STAT6: variants seen among roughly 807,000 people sequenced by gnomAD.
STAT6 encodes STAT, interleukin4-induced.
Under a neutral mutation model 106.3 loss-of-function variants are expected in STAT6, and 45 were observed. The ratio of observed to expected loss-of-function variants is 0.42; its 90% CI spans 0.33 to 0.54. The LOEUF (loss-of-function observed/expected upper bound fraction) is 0.54, where lower values mean the gene tolerates loss of function less well. Ranked by LOEUF, STAT6 falls within the 20% of genes least tolerant of loss-of-function variation. STAT6 has a pLI of 0.06. For synonymous variants in STAT6, 413 were observed against 413.6 expected (o/e 1.00, Z 0.02); for missense variants, 797 against 1,062.2 (o/e 0.75, Z 3.47).
At chr12:57,107,968 G>C (rs2034377791) in intron 2 of STAT6, among the ~76,000 whole-genome samples, 195 bp downstream of exon 2, 1 of 152,204 alleles carries the variant, frequency 6.6e-6, no homozygotes, top group Admixed American at 6.5e-5. Flanking sequence ...AGCCTCCTAA[G>C]AGATGGGGTC....
Position 57,104,361 on chromosome 12 carries a change from G to T in STAT6, c.1212+103C>A, listed in dbSNP as rs1272313159. ...AGTGTGCATGAATCCCAGACACATG[G>T]GGTATGGGGCAGTCACAAGAGGTGA... On this transcript the variant is annotated intron_variant, in intron 11 of 21. Transcript: ENST00000300134. 7 of 1,477,850 alleles carry T rather than the reference G, an allele frequency of 4.7e-6. No individual in the cohort carries two copies. In the East Asian group the frequency reaches 1.7e-4, roughly 37 times the overall value. The allele number at this position is 1,477,850 out of a possible 1,614,324, so 91.5% of individuals were successfully genotyped here. A position where few individuals can be genotyped will look rare whatever the true frequency, so the allele number is the denominator to read the frequency against.
chr12:57,104,000 G>A (rs569858340), intron 11 of STAT6: 5 of 162,260 alleles, frequency 3.1e-5, no homozygotes, highest in African/African-American at 1.2e-4. Flanking sequence ...GCTCAATCAG[G>A]GCCTCACCGT....
intron 7 of STAT6, 39 bp from the exon 8 acceptor site, chr12:57,105,638 G>C (rs771544788): frequency 5.0e-6 from 8 of 1,606,428 alleles, no homozygotes; most frequent in Middle Eastern, 1.7e-4. Context: ...CAGGATTAAG[G>C]CTGCTTGCTC....
At chr12:57,100,692 GAAAGAA>G (rs767026627) in intron 13 of STAT6, among the ~76,000 whole-genome samples, 761 of 50,056 alleles carry the variant, frequency 0.015, 8 homozygotes, top group Middle Eastern at 0.03. Context: ...AAGAAAGAAA[GAAAGAA>G]AGAGAAAGAA....
At chr12:57,110,109 C>T (rs2034494552) in intron 1 of STAT6, 1 of 152,282 alleles carries the variant, frequency 6.6e-6, no homozygotes, top group Non-Finnish European at 1.5e-5. Flanking sequence ...ATAGGCCTTT[C>T]TCTAGCCCAA....
In STAT6 at chr12:57,099,357, C is replaced by A. The variant is rs2033667245; in HGVS notation, c.1828G>T (p.Ala610Ser). The change falls in exon 16 of 22, where the codon GCT becomes TCT. Residue 610 changes from alanine to serine, a missense_variant. Transcript: ENST00000300134. This position sits in a 1 kb window ranked among gnomAD's most constrained non-coding sequence, Gnocchi z 4.7. ...TTGGGATAGAGATTTTTGAGCTGAG[C>A]AAGATCCCGGATTCGGTCCCCCAGT... is the stretch of plus-strand genomic sequence containing the variant. ...RSLGDRIRDL[A>S]QLKNLYPKKP... is the part of the protein sequence containing the mutation. 1 of 1,614,154 alleles carries A rather than the reference C, an allele frequency of 6.2e-7. No homozygotes were observed. Among genetic ancestry groups the A allele is most frequent in the Non-Finnish European group, 8.5e-7 (1 of 1,180,032 alleles).
chr12:57,106,851 G>T lies in STAT6; in HGVS notation c.340-20C>A. 1 of 1,612,658 alleles carries T rather than the reference G, an allele frequency of 6.2e-7. No homozygotes were observed. Among genetic ancestry groups the T allele is most frequent in the Non-Finnish European group, 8.5e-7 (1 of 1,179,970 alleles). ...GCGGAACTACACAGGAAGGACAGAT[G>T]CCAAGAAGTGAAACACTCTGCTCAT... On this transcript the variant is annotated intron_variant, in intron 4 of 21. Transcript: ENST00000300134.
In STAT6 at chr12:57,098,521, A is replaced by G; in HGVS notation, c.2143T>C (p.Leu715=). The G allele has an allele frequency of 6.2e-7, 1 of 1,614,144 alleles. No homozygotes were observed. The highest frequency in any genetic ancestry group is 8.5e-7 in the Non-Finnish European group (1 of 1,180,032). Residue 715 remains leucine (L), a synonymous_variant, in exon 19 of 22, where the codon TTG becomes CTG. Transcript: ENST00000300134. ...GLSPEESVNV[L]SAFQEPHLQM... is the part of the protein sequence containing the mutation. ...TTCACTTACTCCTGGAAGGCTGACA[A>G]CACGTTGACTGATTCTTCTGGGGAG...
At chr12:57,101,085 CT>C (rs2033899035) in intron 13 of STAT6, among the ~76,000 whole-genome samples, 1 of 151,584 alleles carries the variant, frequency 6.6e-6, no homozygotes. Context: ...CTTTTTCTTT[CT>C]TTCTTTCTTT....
intron 10 of STAT6, 31 bp downstream of exon 10, chr12:57,104,695 G>GC (rs2034162879): frequency 1.9e-6 from 3 of 1,613,804 alleles, no homozygotes; most frequent in African/African-American, 2.7e-5. Flanking sequence ...TCCTAGTGGT[G>GC]CCCCCCTCAC....
Position 57,099,927 on chromosome 12 carries a change from G to A in STAT6, c.1608-24C>T. On this transcript the variant is annotated intron_variant, in intron 14 of 21. Transcript: ENST00000300134. The surrounding 1 kb of genome is among the most constrained non-coding windows in gnomAD (Gnocchi z 4.7). ...GCCTGGCCGGGATGAAGGAGAGGATGGGGCATGGGCAGTGAGTATGGAGGT... is the reference window on the plus strand; with the variant it reads ...GCCTGGCCGGGATGAAGGAGAGGATAGGGCATGGGCAGTGAGTATGGAGGT... 1 of 1,614,230 alleles carries A rather than the reference G, an allele frequency of 6.2e-7. No homozygotes were observed. The highest frequency in any genetic ancestry group is 2.2e-5 in the East Asian group (1 of 44,884).
rs1332955374 is a variant in STAT6 at position 57,096,423 on chromosome 12, T to A, written c.*149A>T. 2.8e-6 allele frequency: 2 copies of A among 713,030 alleles called. No individual in the cohort carries two copies. Among genetic ancestry groups the A allele is most frequent in the Non-Finnish European group, 4.7e-6 (2 of 422,312 alleles). The allele number at this position is 713,030 out of a possible 1,614,324, so 44.2% of individuals were successfully genotyped here. Reference sequence around the variant, plus strand: ...TGGCTCCACCCACTGTGCATTCTCCTGTTAGTCTTTTCCTCCTGACCCAGG... The same window carrying A: ...TGGCTCCACCCACTGTGCATTCTCCAGTTAGTCTTTTCCTCCTGACCCAGG... On this transcript the variant is annotated 3_prime_UTR_variant, in exon 22 of 22. Coordinates refer to ENST00000300134, the MANE Select transcript of STAT6 (RefSeq NM_003153.5).
In STAT6 at chr12:57,096,272, T is replaced by G; in HGVS notation, c.*300A>C. 1 of 356,740 alleles carries G rather than the reference T, an allele frequency of 2.8e-6. No individual in the cohort carries two copies. The highest frequency in any genetic ancestry group is 5.9e-5 in the East Asian group (1 of 17,020). 22.1% of individuals were successfully genotyped at this position (356,740 alleles called of 1,614,324 possible). A position where few individuals can be genotyped will look rare whatever the true frequency, so the allele number is the denominator to read the frequency against. ...CATCACCCTCAGAGAGCTCTGTATG[T>G]GTGTGTGCGTGCGTGTGCGCGCTGC... On this transcript the variant is annotated 3_prime_UTR_variant, in exon 22 of 22. Coordinates refer to ENST00000300134, the MANE Select transcript of STAT6 (RefSeq NM_003153.5).
At chr12:57,110,922 A>C (rs1011525102) in intron 1 of STAT6, among the ~76,000 whole-genome samples, 3 of 151,810 alleles carry the variant, frequency 2.0e-5, no homozygotes, top group African/African-American at 7.3e-5. Context: ...CCCATGGGGG[A>C]GGGGAGTACT....
intron 13 of STAT6, among the ~76,000 whole-genome samples, chr12:57,102,028 G>A (rs947113596): frequency 6.6e-6 from 1 of 152,178 alleles, no homozygotes; most frequent in South Asian, 2.1e-4. Context: ...CACAACCTGG[G>A]TGAGTCATGC....
In STAT6 at chr12:57,096,842, C is replaced by T; in HGVS notation, c.2354+8G>A. ...CCACCCAGCCTCCACTCCCAAGCTG[C>T]CACTCACCAAGTGCCCTGAGGAAAC... On this transcript the variant is annotated splice_region_variant and intron_variant, in intron 21 of 21. Coordinates refer to ENST00000300134, the MANE Select transcript of STAT6 (RefSeq NM_003153.5). 6.2e-7 allele frequency: 1 copy of T among 1,614,080 alleles called. No individual in the cohort carries two copies.
In STAT6 at chr12:57,098,920, G is replaced by GTACA; in HGVS notation, c.1956-22_1956-19dup. 6.2e-7 allele frequency: 1 copy of GTACA among 1,613,236 alleles called. No homozygotes were observed. The highest frequency in any genetic ancestry group is 8.5e-7 in the Non-Finnish European group (1 of 1,179,312). On this transcript the variant is annotated intron_variant, in intron 17 of 21. Transcript: ENST00000300134. Reference sequence around the variant, plus strand: ...GTTGGTCCCTGGAGGAGGGAAGGAGGTACATGTGACTGACCAAGGGTTGAT... The same window carrying GTACA: ...GTTGGTCCCTGGAGGAGGGAAGGAGGTACATACATGTGACTGACCAAGGGTTGAT...
rs2034223189 is a variant in STAT6 at position 57,105,603 on chromosome 12, G to A, written c.681-4C>T. On this transcript the variant is annotated splice_polypyrimidine_tract_variant and splice_region_variant and intron_variant, in intron 7 of 21. Transcript: ENST00000300134. ...AATGTCCACCAGGCTTTCACACCTG[G>A]GGCCAGGACAGTGGTCAGGGGGCAC... is the stretch of plus-strand genomic sequence containing the variant. 1.2e-6 allele frequency: 2 copies of A among 1,613,484 alleles called. No individual in the cohort carries two copies. Among genetic ancestry groups the A allele is most frequent in the Admixed American group, 3.3e-5 (2 of 59,968 alleles).
In STAT6 at chr12:57,099,971, C is replaced by G; in HGVS notation, c.1607+25G>C. 6.2e-7 allele frequency: 1 copy of G among 1,613,988 alleles called. No homozygotes were observed. Among genetic ancestry groups the G allele is most frequent in the Non-Finnish European group, 8.5e-7 (1 of 1,179,976 alleles). Reference sequence around the variant, plus strand: ...TGGAGGTGACTGGTGTATGGCTGCTCAGACTACCCAGGGTGGGGACTCACC... The same window carrying G: ...TGGAGGTGACTGGTGTATGGCTGCTGAGACTACCCAGGGTGGGGACTCACC... On this transcript the variant is annotated intron_variant, in intron 14 of 21. Transcript: ENST00000300134. This position sits in a 1 kb window ranked among gnomAD's most constrained non-coding sequence, Gnocchi z 4.7.
Sources: allele counts gnomAD v4.1 joint callset (sites outside exome capture counted in the v4.1 genomes callset), GRCh38; gene constraint gnomAD v4.1.1; non-coding constraint Gnocchi (gnomAD v3.1); transcripts MANE v1.5; gene names NCBI Gene and HGNC (gene_info 2026-07-23, HGNC 2026-07-21).